The following PRKCB variants were observed in gnomAD, a reference collection of about 807,000 sequenced individuals.
The protein encoded by PRKCB is protein kinase C beta type.
PRKCB carries 13 observed loss-of-function variants against 81.5 expected under a neutral mutation model. That is an observed-to-expected ratio of 0.16 (90% CI 0.10 to 0.25). PRKCB has a LOEUF of 0.25. PRKCB is among the 10% of genes least tolerant of loss of function. The probability of loss-of-function intolerance (pLI) is 1.00; values close to 1 mark genes in which losing one functional copy is unlikely to be tolerated. For missense variants in PRKCB, 509 were observed against 875.7 expected, an observed-to-expected ratio of 0.58 and a Z score of 5.29; for synonymous variants, 335 against 321.4, an observed-to-expected ratio of 1.04 and a Z score of -0.45.
At chr16:24,054,707 G>A (rs974311406) in intron 5 of PRKCB, among the ~76,000 whole-genome samples, 9 of 152,216 alleles carry the variant, frequency 5.9e-5, no homozygotes, top group Non-Finnish European at 1.0e-4. Flanking sequence ...TGACCAAGCC[G>A]TTGACAGCTC....
chr16:24,004,815 C>A (rs529855535), intron 3 of PRKCB, among the ~76,000 whole-genome samples: 1 of 152,144 alleles, frequency 6.6e-6, no homozygotes, highest in Non-Finnish European at 1.5e-5. Context: ...ATTACTAAAT[C>A]TAATCATTTT....
At chr16:24,059,751 A>C (rs1965948094) in intron 5 of PRKCB, among the ~76,000 whole-genome samples, 1 of 152,206 alleles carries the variant, frequency 6.6e-6, no homozygotes, top group South Asian at 2.1e-4. Flanking sequence ...CATAGAAGCC[A>C]AGGGAAGAGA....
At chr16:24,185,745 T>C (rs968507042) in intron 15 of PRKCB, among the ~76,000 whole-genome samples, 178 bp downstream of exon 15, 4 of 152,234 alleles carry the variant, frequency 2.6e-5, no homozygotes, top group African/African-American at 9.6e-5. Context: ...AGAGCTTTTT[T>C]TCTGATTTGC....
chr16:23,843,974 C>T (rs186021451), intron 2 of PRKCB, among the ~76,000 whole-genome samples: 552 of 152,218 alleles, frequency 3.6e-3, no homozygotes, highest in Middle Eastern at 0.014. Flanking sequence ...CACACACACA[C>T]GTGTATACAC....
At chr16:23,993,404 G>A (rs540622704) in intron 3 of PRKCB, among the ~76,000 whole-genome samples, 67 of 152,280 alleles carry the variant, frequency 4.4e-4, no homozygotes, top group African/African-American at 1.6e-3. Context: ...TCATGAGTGA[G>A]TTGGAGATGC....
chr16:24,172,827 C>G (rs1277999301), intron 11 of PRKCB, among the ~76,000 whole-genome samples: 1 of 152,148 alleles, frequency 6.6e-6, no homozygotes, highest in African/African-American at 2.4e-5. Context: ...CTATATCTTC[C>G]TTGGGGATTA....
At chr16:24,057,300 G>A (rs1460752605) in intron 5 of PRKCB, among the ~76,000 whole-genome samples, 1 of 152,084 alleles carries the variant, frequency 6.6e-6, no homozygotes, top group African/African-American at 2.4e-5. Flanking sequence ...CTTTACAGAA[G>A]GGAAAAATGC....
intron 16 of PRKCB, among the ~76,000 whole-genome samples, chr16:24,193,367 C>A (rs1180633600): frequency 6.6e-6 from 1 of 151,704 alleles, no homozygotes; most frequent in Non-Finnish European, 1.5e-5. Flanking sequence ...ATCACTTGAA[C>A]CGAGGAGGTG....
chr16:24,027,659 G>A (rs1483470827), intron 3 of PRKCB, among the ~76,000 whole-genome samples: 6 of 152,228 alleles, frequency 3.9e-5, no homozygotes, highest in Admixed American at 3.3e-4. Context: ...TGGGAACGTT[G>A]TGAAAGAAAC....
intron 3 of PRKCB, among the ~76,000 whole-genome samples, chr16:24,009,694 C>G (rs1051701856): frequency 6.6e-6 from 1 of 151,852 alleles, no homozygotes; most frequent in African/African-American, 2.4e-5. Context: ...CTATGGAAAA[C>G]AGTTTGCCTG....
intron 10 of PRKCB, among the ~76,000 whole-genome samples, chr16:24,168,649 C>T (rs1335161659): frequency 7.2e-6 from 1 of 139,264 alleles, no homozygotes; most frequent in Non-Finnish European, 1.5e-5. Context: ...CTCCTGGGCT[C>T]AAGCGATCCT....
At chr16:23,995,452 A>G (rs1268994690) in intron 3 of PRKCB, among the ~76,000 whole-genome samples, 1 of 152,202 alleles carries the variant, frequency 6.6e-6, no homozygotes, top group Non-Finnish European at 1.5e-5. Flanking sequence ...CAAGTATTTA[A>G]GATTTTGGAA....
chr16:23,959,987 G>A lies in PRKCB; in HGVS notation c.206-28521G>A, dbSNP rs554819516. Among the ~76,000 whole-genome samples, 15 of 152,192 alleles carry A rather than the reference G, an allele frequency of 9.9e-5. No individual in the cohort carries two copies. In the South Asian group the frequency reaches 2.9e-3, roughly 30 times the overall value. ...TTGCATTCTGGCCTGGCTTCCAATG[G>A]GCAGCAACTGCAGCTGTTCACCTGA... On this transcript the variant is annotated intron_variant, in intron 2 of 16. Transcript: ENST00000643927.
chr16:23,861,606 T>C (rs2141090696), intron 2 of PRKCB, among the ~76,000 whole-genome samples: 1 of 152,322 alleles, frequency 6.6e-6, no homozygotes. Context: ...ATGTGATCAG[T>C]GTCTCCCTTC....
intron 11 of PRKCB, 24 bp from the exon 12 acceptor site, chr16:24,174,494 C>CTTTTTTT: frequency 6.6e-7 from 1 of 1,513,946 alleles, no homozygotes; most frequent in Admixed American, 1.9e-5. Flanking sequence ...TTCTCCATCG[C>CTTTTTTT]TTTTTTTTTT....
At chr16:23,902,777 C>CCTTCCTT in intron 2 of PRKCB, among the ~76,000 whole-genome samples, 1 of 62,086 alleles carries the variant, frequency 1.6e-5, no homozygotes, top group Non-Finnish European at 2.8e-5. Flanking sequence ...TTCCTTCCTT[C>CCTTCCTT]CTTCCTCCCT....
rs147832464 is a variant in PRKCB at position 24,200,831 on chromosome 16, A to C, written c.1863+9601A>C. On this transcript the variant is annotated intron_variant, in intron 16 of 16. Coordinates refer to ENST00000643927, the MANE Select transcript of PRKCB (RefSeq NM_002738.7). ...CTCAACACTGTTGCATTGGAGATTC[A>C]GTTTCTAACACATGAACTTTGGCGG... Among the ~76,000 whole-genome samples, 933 of 152,322 alleles carry C rather than the reference A, an allele frequency of 6.1e-3. 5 individuals carry two copies. The highest frequency in any genetic ancestry group is 7.5e-3 in the Non-Finnish European group (512 of 68,022).
intron 9 of PRKCB, among the ~76,000 whole-genome samples, chr16:24,154,194 C>T (rs761826446): frequency 2.6e-5 from 4 of 152,168 alleles, no homozygotes; most frequent in African/African-American, 9.7e-5. Context: ...ATTCAAAGTG[C>T]GAGGTCAGGG....
chr16:24,205,909 G>A (rs1968039324), intron 16 of PRKCB, among the ~76,000 whole-genome samples: 2 of 152,158 alleles, frequency 1.3e-5, no homozygotes, highest in Admixed American at 6.5e-5. Flanking sequence ...CAGGAGGGAA[G>A]AATGAGAATC....
Sources: allele counts gnomAD v4.1 joint callset (sites outside exome capture counted in the v4.1 genomes callset), GRCh38; gene constraint gnomAD v4.1.1; transcripts MANE v1.5; gene names NCBI Gene and HGNC (gene_info 2026-07-23, HGNC 2026-07-21).